The following FAM81A variants were observed in gnomAD, a reference collection of about 807,000 sequenced individuals.
The protein encoded by FAM81A is protein FAM81A.
In FAM81A, 19 loss-of-function variants were observed where a neutral mutation model predicts 46.7. The ratio of observed to expected loss-of-function variants is 0.41; its 90% CI spans 0.28 to 0.60. FAM81A has a LOEUF of 0.60. FAM81A is among the 20% of genes least tolerant of loss of function. The pLI is 0.34. For synonymous variants in FAM81A, 183 were observed against 152.9 expected (o/e 1.20, Z -1.45); for missense variants, 377 against 453.5 (o/e 0.83, Z 1.53).
At chr15:59,512,721 C>T (rs559742511) in intron 6 of FAM81A, among the ~76,000 whole-genome samples, 6 of 152,044 alleles carry the variant, frequency 3.9e-5, no homozygotes, top group Non-Finnish European at 5.9e-5. Context: ...CATAACAGTG[C>T]GGAGATCAGT....
intron 2 of FAM81A, among the ~76,000 whole-genome samples, chr15:59,426,839 C>T (rs1175344592): frequency 6.6e-6 from 1 of 152,226 alleles, no homozygotes; most frequent in African/African-American, 2.4e-5. Flanking sequence ...ATTAAACCAA[C>T]ACTCAGTAAC....
At chr15:59,413,132 G>A (rs549772646) in intron 2 of FAM81A, among the ~76,000 whole-genome samples, 158 of 152,194 alleles carry the variant, frequency 1.0e-3, no homozygotes, top group Non-Finnish European at 1.6e-3. Context: ...GTGGCAAAGG[G>A]GGAGAAGGGG....
At chr15:59,507,422 C>T (rs945208874) in intron 5 of FAM81A, 80 bp downstream of exon 5, 89 of 1,521,920 alleles carry the variant, frequency 5.8e-5, no homozygotes, top group African/African-American at 2.8e-5. Context: ...TTATTTCTTA[C>T]AGGAGAAACC....
chr15:59,472,970 A>T (rs2081716291), intron 3 of FAM81A, among the ~76,000 whole-genome samples: 2 of 152,192 alleles, frequency 1.3e-5, no homozygotes, highest in Non-Finnish European at 2.9e-5. Context: ...AAACTAAGCA[A>T]CCCTAAGTTG....
intron 8 of FAM81A, among the ~76,000 whole-genome samples, chr15:59,518,079 TCTC>T (rs2082285738): frequency 6.6e-6 from 1 of 151,720 alleles, no homozygotes; most frequent in Non-Finnish European, 1.5e-5. Context: ...TACAAGCGAT[TCTC>T]CTGCCTCAGC....
chr15:59,513,651 T>G (rs1432257974), intron 6 of FAM81A, among the ~76,000 whole-genome samples: 3 of 152,106 alleles, frequency 2.0e-5, no homozygotes, highest in Admixed American at 2.0e-4. Flanking sequence ...TAGTTGGAAA[T>G]TGATATTGTA....
Position 59,421,729 on chromosome 15 carries a change from G to GTCTATCTA in FAM81A, c.-78+19379_-78+19386dup, listed in dbSNP as rs796163877. Reference sequence around the variant, plus strand: ...AAACTATCTATCTGTCTGTCTGTCTGTCTATCTATCTATCTGTCTATCTAT... The same window carrying GTCTATCTA: ...AAACTATCTATCTGTCTGTCTGTCTGTCTATCTATCTATCTATCTATCTGTCTATCTAT... On this transcript the variant is annotated intron_variant, in intron 2 of 4. Transcript: ENST00000558348. Among the ~76,000 whole-genome samples, 838 of 128,954 alleles carry GTCTATCTA rather than the reference G, an allele frequency of 6.5e-3. 8 individuals are homozygous for GTCTATCTA. The highest frequency in any genetic ancestry group is 9.0e-3 in the African/African-American group (285 of 31,494). The allele number at this position is 128,954 out of a possible 152,430, so 84.6% of individuals were successfully genotyped here. A position where few individuals can be genotyped will look rare whatever the true frequency, so the allele number is the denominator to read the frequency against.
chr15:59,413,091 G>A (rs1242105320), intron 2 of FAM81A, among the ~76,000 whole-genome samples: 1 of 152,110 alleles, frequency 6.6e-6, no homozygotes, highest in African/African-American at 2.4e-5. Flanking sequence ...CGCCACACAA[G>A]GCCACTCAGG....
intron 1 of FAM81A, among the ~76,000 whole-genome samples, chr15:59,449,224 G>C (rs2081386557): frequency 6.6e-6 from 1 of 152,106 alleles, no homozygotes; most frequent in African/African-American, 2.4e-5. Flanking sequence ...CTAACAATTT[G>C]ACTCCCCTTT....
chr15:59,398,063 C>T (rs1425722033), intron 1 of FAM81A, among the ~76,000 whole-genome samples: 1 of 152,166 alleles, frequency 6.6e-6, no homozygotes, highest in East Asian at 1.9e-4. Flanking sequence ...CTAACCATAG[C>T]ATCACCTAGC....
intron 2 of FAM81A, among the ~76,000 whole-genome samples, chr15:59,412,137 G>A (rs927952482): frequency 1.3e-5 from 2 of 152,050 alleles, no homozygotes; most frequent in Admixed American, 1.3e-4. Flanking sequence ...TCTGCATGTG[G>A]GCCCAGCTTC....
intron 8 of FAM81A, among the ~76,000 whole-genome samples, chr15:59,520,563 A>ATTT (rs71119482): frequency 8.2e-6 from 1 of 122,250 alleles, no homozygotes. Context: ...TGTTTGCTTC[A>ATTT]TTTTTTTTTT....
At chr15:59,492,588 C>T (rs778761756) in intron 4 of FAM81A, among the ~76,000 whole-genome samples, 199 bp downstream of exon 4, 2 of 152,088 alleles carry the variant, frequency 1.3e-5, no homozygotes, top group Non-Finnish European at 2.9e-5. Context: ...TTTTGTTACG[C>T]AATTGGTGTT....
intron 4 of FAM81A, among the ~76,000 whole-genome samples, chr15:59,492,975 CG>C (rs1319968297): frequency 6.6e-6 from 1 of 152,134 alleles, no homozygotes; most frequent in East Asian, 1.9e-4. Flanking sequence ...TGGGAAAGTC[CG>C]GGAAGCACTG....
Position 59,523,085 on chromosome 15 carries a change from C to T in FAM81A, c.*1707C>T, listed in dbSNP as rs1441526675. On this transcript the variant is annotated 3_prime_UTR_variant, in exon 9 of 9. Transcript: ENST00000288228. ...CACAGCACAGGAAGCCACACCCCCT[C>T]CAGCATCTCTGTCTTGTGGGGTCTT... 1 of 152,282 alleles carries T rather than the reference C, an allele frequency of 6.6e-6. No homozygotes were observed. Among genetic ancestry groups the T allele is most frequent in the Non-Finnish European group, 1.5e-5 (1 of 68,060 alleles). 9.4% of individuals were successfully genotyped at this position (152,282 alleles called of 1,614,324 possible). A position where few individuals can be genotyped will look rare whatever the true frequency, so the allele number is the denominator to read the frequency against.
intron 3 of FAM81A, 22 bp from the exon 4 acceptor site, chr15:59,492,249 T>C (rs1174795820): frequency 6.4e-7 from 1 of 1,557,316 alleles, no homozygotes; most frequent in African/African-American, 1.4e-5. Flanking sequence ...ATGACTCCCT[T>C]AGTGTTTTTT....
Position 59,460,142 on chromosome 15 carries a change from T to A in FAM81A, c.230T>A (p.Leu77His). Residue 77 changes from leucine (L) to histidine (H), a missense_variant, in exon 3 of 9, where the codon CTT becomes CAT. Transcript: ENST00000288228. This position sits in a 1 kb window ranked among gnomAD's most constrained non-coding sequence, Gnocchi z 4.4. ...GGGGGAGGTGACCGCTTGGCCAGGC[T>A]TTTCTTGGAGGAGCATATCAGAAAC... ...NKGGGDRLAR[L>H]FLEEHIRNIT... 1 of 1,614,016 alleles carries A rather than the reference T, an allele frequency of 6.2e-7. No individual in the cohort carries two copies. The highest frequency in any genetic ancestry group is 1.1e-5 in the South Asian group (1 of 91,080).
intron 3 of FAM81A, among the ~76,000 whole-genome samples, chr15:59,487,967 A>C (rs1452800640): frequency 4.6e-5 from 7 of 152,158 alleles, no homozygotes; most frequent in Admixed American, 2.6e-4. Flanking sequence ...ACAACAAAAA[A>C]ACAAAAAACC....
intron 2 of FAM81A, among the ~76,000 whole-genome samples, chr15:59,431,791 A>T (rs1441438637): frequency 6.6e-6 from 1 of 152,164 alleles, no homozygotes; most frequent in Non-Finnish European, 1.5e-5. Flanking sequence ...AGAAAATGTC[A>T]ATTTTATTAT....
Sources: gnomAD v4.1 joint callset for allele counts (sites outside exome capture counted in the v4.1 genomes callset) on GRCh38, gnomAD v4.1.1 for gene constraint, Gnocchi (gnomAD v3.1) non-coding constraint, MANE v1.5 for transcripts, NCBI Gene and HGNC (gene_info 2026-07-23, HGNC 2026-07-21) for gene names.